DENND1A: variants seen among roughly 807,000 people sequenced by gnomAD.
DENND1A encodes the protein DENN domain containing 1A.
In DENND1A, 51 loss-of-function variants were observed where a neutral mutation model predicts 113.7. The ratio of observed to expected loss-of-function variants is 0.45; its 90% CI spans 0.36 to 0.57. DENND1A has a LOEUF of 0.57. Among genes scored for constraint, DENND1A ranks in the 20% least tolerant of loss-of-function variants. DENND1A has a pLI of 0.00. For missense variants in DENND1A, 1,258 were observed against 1,395.9 expected (o/e 0.90, Z 1.57); for synonymous variants, 565 against 570.8 (o/e 0.99, Z 0.14).
intron 13 of DENND1A, among the ~76,000 whole-genome samples, chr9:123,481,330 C>G (rs920232068): frequency 6.6e-6 from 1 of 152,166 alleles, no homozygotes; most frequent in African/African-American, 2.4e-5. Context: ...AGAAACCTAC[C>G]AGGACAGTGA....
intron 10 of DENND1A, among the ~76,000 whole-genome samples, chr9:123,614,188 A>G (rs2060538460): frequency 6.6e-6 from 1 of 152,252 alleles, no homozygotes; most frequent in African/African-American, 2.4e-5. Flanking sequence ...ACAGCTGGTC[A>G]GTGGTGAAGC....
chr9:123,564,557 T>C (rs927150315), intron 12 of DENND1A, among the ~76,000 whole-genome samples: 2 of 152,256 alleles, frequency 1.3e-5, no homozygotes, highest in African/African-American at 4.8e-5. Flanking sequence ...TTATTTCCGG[T>C]GTGGAGTGCT....
chr9:123,825,712 A>G (rs537097924), intron 2 of DENND1A, among the ~76,000 whole-genome samples: 10 of 152,394 alleles, frequency 6.6e-5, no homozygotes, highest in Non-Finnish European at 1.3e-4. Flanking sequence ...GTAAGAGTGT[A>G]TATTTATCAC....
intron 18 of DENND1A, 75 bp downstream of exon 18, chr9:123,450,618 G>T: frequency 8.1e-7 from 1 of 1,231,804 alleles, no homozygotes; most frequent in Non-Finnish European, 1.2e-6. Flanking sequence ...GCCCTCTATT[G>T]ATCCCCTCAT....
At chr9:123,489,949 G>A (rs1272255769) in intron 13 of DENND1A, among the ~76,000 whole-genome samples, 1 of 152,128 alleles carries the variant, frequency 6.6e-6, no homozygotes, top group Non-Finnish European at 1.5e-5. Flanking sequence ...CACAGAAAAC[G>A]CTGATAAAAT....
intron 12 of DENND1A, 63 bp downstream of exon 12, chr9:123,583,106 A>C: frequency 7.9e-7 from 1 of 1,264,734 alleles, no homozygotes; most frequent in Non-Finnish European, 1.1e-6. Flanking sequence ...CATTCCCCAA[A>C]GTCACGTTCA....
intron 13 of DENND1A, among the ~76,000 whole-genome samples, chr9:123,462,964 G>C (rs756410176): frequency 6.6e-6 from 1 of 152,028 alleles, no homozygotes; most frequent in Admixed American, 6.6e-5. Flanking sequence ...CCACCAGCTC[G>C]TCCACCTGCG....
chr9:123,665,763 TTGA>T (rs1288133907), intron 8 of DENND1A, among the ~76,000 whole-genome samples: 1 of 152,208 alleles, frequency 6.6e-6, no homozygotes, highest in African/African-American at 2.4e-5. Flanking sequence ...AGCAGTAATA[TTGA>T]TAATAGCCAA....
chr9:123,541,817 T>C (rs748063287), intron 13 of DENND1A, among the ~76,000 whole-genome samples: 1 of 152,112 alleles, frequency 6.6e-6, no homozygotes, highest in Non-Finnish European at 1.5e-5. Flanking sequence ...CTGAAAACAA[T>C]TTTACGAGGG....
intron 4 of DENND1A, among the ~76,000 whole-genome samples, chr9:123,769,142 T>C (rs1829316499): frequency 6.6e-6 from 1 of 152,164 alleles, no homozygotes. Flanking sequence ...AAAGTCTATA[T>C]AATACAAAAC....
intron 5 of DENND1A, among the ~76,000 whole-genome samples, chr9:123,706,188 G>C (rs2066188028): frequency 6.9e-6 from 1 of 145,476 alleles, no homozygotes; most frequent in Non-Finnish European, 1.5e-5. Context: ...CTGTAGCCCA[G>C]GCCGGACTGC....
chr9:123,677,745 T>G (rs1487371347), intron 5 of DENND1A, among the ~76,000 whole-genome samples: 1 of 152,120 alleles, frequency 6.6e-6, no homozygotes, highest in Admixed American at 6.5e-5. Flanking sequence ...CTTAGAATGG[T>G]TTTTCTAAAA....
intron 12 of DENND1A, among the ~76,000 whole-genome samples, chr9:123,582,600 C>T (rs1396768775): frequency 2.6e-5 from 4 of 151,992 alleles, no homozygotes; most frequent in Admixed American, 1.3e-4. Context: ...TGTGTTTCAC[C>T]ATGTTAGCCA....
intron 10 of DENND1A, among the ~76,000 whole-genome samples, chr9:123,622,556 T>A (rs1408190250): frequency 6.6e-6 from 1 of 152,230 alleles, no homozygotes; most frequent in African/African-American, 2.4e-5. Flanking sequence ...AATTTTTTCA[T>A]AAAATCTCGG....
intron 13 of DENND1A, among the ~76,000 whole-genome samples, chr9:123,458,742 A>T (rs1218314514): frequency 6.6e-6 from 1 of 152,186 alleles, no homozygotes; most frequent in Non-Finnish European, 1.5e-5. Flanking sequence ...CAGGTGGATC[A>T]CCTGAGGTTG....
At chr9:123,419,956 G>C (rs1472779305) in intron 19 of DENND1A, among the ~76,000 whole-genome samples, 1 of 152,228 alleles carries the variant, frequency 6.6e-6, no homozygotes, top group Non-Finnish European at 1.5e-5. Context: ...GTGTCACGTA[G>C]CGTACAGCAT....
intron 2 of DENND1A, among the ~76,000 whole-genome samples, chr9:123,868,706 A>C (rs963805387): frequency 3.3e-5 from 5 of 152,214 alleles, no homozygotes; most frequent in African/African-American, 9.6e-5. Context: ...GTCATGAATA[A>C]AGCAAAAATT....
At chr9:123,662,505 G>A (rs928145227) in intron 8 of DENND1A, among the ~76,000 whole-genome samples, 5 of 152,228 alleles carry the variant, frequency 3.3e-5, no homozygotes, top group African/African-American at 1.2e-4. Context: ...GGAGTTTGCA[G>A]TGAGCCGAGA....
chr9:123,642,069 G>A (rs2062059353), intron 9 of DENND1A, among the ~76,000 whole-genome samples: 1 of 152,188 alleles, frequency 6.6e-6, no homozygotes, highest in Non-Finnish European at 1.5e-5. Flanking sequence ...ATGGCTGGTT[G>A]AAGTCACATC....
Sources: allele counts gnomAD v4.1 joint callset (sites outside exome capture counted in the v4.1 genomes callset), GRCh38; gene constraint gnomAD v4.1.1; transcripts MANE v1.5; gene names NCBI Gene and HGNC (gene_info 2026-07-23, HGNC 2026-07-21).